The following SLC5A11 variants were observed in gnomAD, a reference collection of about 807,000 sequenced individuals.
SLC5A11 encodes sodium/myo-inositol cotransporter 2.
A neutral mutation model predicts 69.8 loss-of-function variants in SLC5A11; 48 were observed. That is an observed-to-expected ratio of 0.69 (90% CI 0.55 to 0.87). The LOEUF is 0.87. Among genes scored for constraint, SLC5A11 ranks in the 40% least tolerant of loss-of-function variants. The pLI is 0.00. For synonymous variants in SLC5A11, 319 were observed against 342.4 expected (o/e 0.93, Z 0.75); for missense variants, 784 against 866.1 (o/e 0.91, Z 1.19).
At chr16:24,869,199 CCT>C (rs1431692991) in intron 3 of SLC5A11, among the ~76,000 whole-genome samples, 5 of 152,032 alleles carry the variant, frequency 3.3e-5, no homozygotes, top group African/African-American at 4.8e-5. Context: ...CTCATTCTCC[CCT>C]GTCTCTGAAC....
At chr16:24,891,165 T>G in intron 9 of SLC5A11, 91 bp downstream of exon 10, 1 of 1,280,008 alleles carries the variant, frequency 7.8e-7, no homozygotes, top group Non-Finnish European at 1.1e-6. Flanking sequence ...CCTCCATCTC[T>G]TCTCTCATTT....
chr16:24,879,984 G>A (rs13338491), intron 7 of SLC5A11, among the ~76,000 whole-genome samples: 5,140 of 152,192 alleles, frequency 0.034, 202 homozygotes, highest in African/African-American at 0.1. Context: ...ATGAACATAT[G>A]AGGGCATGTG....
chr16:24,907,830 G>A (rs2050184688), intron 12 of SLC5A11, 133 bp from the exon 14 acceptor site: 3 of 1,148,832 alleles, frequency 2.6e-6, no homozygotes, highest in Admixed American at 4.4e-5. Context: ...AGGCTGCAGT[G>A]AGCTATGCTC....
At chr16:24,891,441 A>C (rs1289808458) in intron 9 of SLC5A11, among the ~76,000 whole-genome samples, 1 of 151,158 alleles carries the variant, frequency 6.6e-6, no homozygotes, top group Non-Finnish European at 1.5e-5. Flanking sequence ...CAGCCTCCTG[A>C]GTAGCTGGGA....
chr16:24,891,024 G>A lies in SLC5A11; in HGVS notation c.820G>A (p.Val274Ile), dbSNP rs769393472. ...GACATCTGATCTCCCGTGGCCGGGG[G>A]TCCTATTTGGAATGTCCATCCCATC... Residue 274 changes from valine (V) to isoleucine (I), a missense_variant, in exon 9 of 16, where the codon GTC becomes ATC. Val to Ile is a conservative substitution (Grantham distance 29). Transcript: ENST00000347898. 1.8e-5 allele frequency: 29 copies of A among 1,614,054 alleles called. No individual in the cohort carries two copies. The highest frequency in any genetic ancestry group is 2.4e-5 in the Non-Finnish European group (28 of 1,180,050).
intron 7 of SLC5A11, among the ~76,000 whole-genome samples, chr16:24,883,183 A>G (rs1433156505): frequency 1.3e-5 from 2 of 152,138 alleles, no homozygotes; most frequent in African/African-American, 4.8e-5. Context: ...TGGGCAACAT[A>G]GCAAGACTCC....
chr16:24,884,238 T>C, intron 8 of SLC5A11, 107 bp downstream of exon 9: 2 of 1,060,938 alleles, frequency 1.9e-6, no homozygotes, highest in Non-Finnish European at 2.8e-6. Context: ...AAGAGCATAC[T>C]ACTGGGGAAT....
exon 8 of SLC5A11, chr16:24,884,107 G>A: frequency 6.2e-7 from 1 of 1,614,090 alleles, no homozygotes; most frequent in Non-Finnish European, 8.5e-7. Flanking sequence ...CATGCTTATA[G>A]GAGCGCTCAC....
chr16:24,884,175 T>C, intron 8 of SLC5A11, 44 bp downstream of exon 9: 1 of 1,574,114 alleles, frequency 6.4e-7, no homozygotes, highest in African/African-American at 1.3e-5. Flanking sequence ...ACAGCACCTC[T>C]CTCCAGCAGG....
chr16:24,886,776 C>A (rs1313259482), intron 8 of SLC5A11, among the ~76,000 whole-genome samples: 1 of 151,992 alleles, frequency 6.6e-6, no homozygotes, highest in Non-Finnish European at 1.5e-5. Context: ...AAGCAAGACC[C>A]CACTCTATGA....
chr16:24,876,983 T>G (rs2047716711), intron 6 of SLC5A11: 4 of 890,616 alleles, frequency 4.5e-6, no homozygotes. Context: ...TTATGGTATT[T>G]AATGAAGGTT....
At chr16:24,879,685 C>A (rs1285612982) in intron 7 of SLC5A11, among the ~76,000 whole-genome samples, 1 of 152,126 alleles carries the variant, frequency 6.6e-6, no homozygotes, top group African/African-American at 2.4e-5. Flanking sequence ...TGCAAGGTTG[C>A]AGTGAATGGA....
At chr16:24,851,896 G>C (rs1437372017) in intron 1 of SLC5A11, among the ~76,000 whole-genome samples, 1 of 152,062 alleles carries the variant, frequency 6.6e-6, no homozygotes, top group Non-Finnish European at 1.5e-5. Flanking sequence ...ATTTCCTGGA[G>C]AGTCTGTTGC....
intron 10 of SLC5A11, among the ~76,000 whole-genome samples, chr16:24,899,957 G>C (rs1291417150): frequency 6.6e-6 from 1 of 152,174 alleles, no homozygotes; most frequent in Admixed American, 6.6e-5. Flanking sequence ...ACCCACTTCA[G>C]CCTCCCAAAG....
intron 7 of SLC5A11, among the ~76,000 whole-genome samples, chr16:24,881,447 C>T (rs950603028): frequency 8.6e-5 from 13 of 151,938 alleles, no homozygotes; most frequent in African/African-American, 2.4e-4. Context: ...TCACTATGCC[C>T]GGCTAACGTT....
At chr16:24,857,327 C>G (rs2152242370) in intron 1 of SLC5A11, among the ~76,000 whole-genome samples, 1 of 152,324 alleles carries the variant, frequency 6.6e-6, no homozygotes, top group South Asian at 2.1e-4. Context: ...AGAAATAAGT[C>G]AATGCCCTGA....
intron 1 of SLC5A11, among the ~76,000 whole-genome samples, chr16:24,854,944 T>A (rs999921721): frequency 6.6e-6 from 1 of 151,624 alleles, no homozygotes; most frequent in African/African-American, 2.4e-5. Flanking sequence ...AAAGGTTAGG[T>A]TAGGTTAGCC....
chr16:24,889,079 G>A (rs1433425388), intron 8 of SLC5A11, among the ~76,000 whole-genome samples: 5 of 152,102 alleles, frequency 3.3e-5, no homozygotes, highest in Non-Finnish European at 7.3e-5. Flanking sequence ...TTACAGGCGT[G>A]AGCCACCTGG....
At chr16:24,849,597 T>C (rs1375344261) in intron 1 of SLC5A11, among the ~76,000 whole-genome samples, 8 of 76,336 alleles carry the variant, frequency 1.0e-4, no homozygotes, top group African/African-American at 3.5e-4. Flanking sequence ...AAAAAAAATA[T>C]ATATATATAT....
Sources: gnomAD v4.1 joint callset for allele counts (sites outside exome capture counted in the v4.1 genomes callset) on GRCh38, gnomAD v4.1.1 for gene constraint, MANE v1.5 for transcripts, NCBI Gene and HGNC (gene_info 2026-07-23, HGNC 2026-07-21) for gene names.